The following SCO1 variants were observed in gnomAD, a reference collection of about 807,000 sequenced individuals.
SCO1 encodes the protein cytochrome c oxidase assembly factor SCO1.
Under a neutral mutation model 34.0 loss-of-function variants are expected in SCO1, and 23 were observed. The ratio of observed to expected loss-of-function variants is 0.68; its 90% CI spans 0.49 to 0.96. The LOEUF (loss-of-function observed/expected upper bound fraction) is 0.96. Among genes scored for constraint, SCO1 ranks in the 40% least tolerant of loss-of-function variants. The pLI, the probability that SCO1 is intolerant of heterozygous loss-of-function variation, is 0.00. For synonymous variants in SCO1, 161 were observed against 145.5 expected (o/e 1.11, Z -0.77); for missense variants, 404 against 381.6 (o/e 1.06, Z -0.49).
intron 1 of SCO1, among the ~76,000 whole-genome samples, chr17:10,696,066 G>GTAAA (rs1454349264): frequency 5.4e-5 from 2 of 37,300 alleles, no homozygotes; most frequent in African/African-American, 1.0e-4. Context: ...TTCTCTTCAT[G>GTAAA]TAAATAAAAA....
rs141226699 is a variant in SCO1 at position 10,680,531 on chromosome 17, A to G, written c.*588T>C. On this transcript the variant is annotated 3_prime_UTR_variant, in exon 6 of 6. Transcript: ENST00000255390. ...ATCAAACTGATGTTTTTTTTCCCCCAAACAATAGATTTCCTCTTCATTAGT... is the reference window on the plus strand; with the variant it reads ...ATCAAACTGATGTTTTTTTTCCCCCGAACAATAGATTTCCTCTTCATTAGT... 2.9e-4 allele frequency: 45 copies of G among 156,018 alleles called. 1 individual carries two copies. In the Middle Eastern group the frequency reaches 0.01, roughly 35 times the overall value. The allele number at this position is 156,018 out of a possible 1,614,324, so 9.7% of individuals were successfully genotyped here.
intron 1 of SCO1, among the ~76,000 whole-genome samples, chr17:10,696,639 T>C (rs1051863489): frequency 6.6e-6 from 1 of 152,066 alleles, no homozygotes; most frequent in African/African-American, 2.4e-5. Flanking sequence ...TTTGTACCCT[T>C]ATTCAACTCC....
rs1286923971 is a variant in SCO1, at chr17:10,679,784, C to T, written c.*1335G>A. On this transcript the variant is annotated 3_prime_UTR_variant, in exon 6 of 6. Transcript: ENST00000255390. ...ATTCATTTTAATTTCTGTATCTCTA[C>T]ATAGATATATCTAGAGGGTCTCACT... 1 of 152,186 alleles carries T rather than the reference C, an allele frequency of 6.6e-6. No individual in the cohort carries two copies. Among genetic ancestry groups the T allele is most frequent in the Non-Finnish European group, 1.5e-5 (1 of 68,030 alleles). 9.4% of individuals were successfully genotyped at this position (152,186 alleles called of 1,614,324 possible).
chr17:10,682,452 A>G (rs575110362), intron 5 of SCO1, among the ~76,000 whole-genome samples: 1 of 152,236 alleles, frequency 6.6e-6, no homozygotes. Flanking sequence ...CACATATTTG[A>G]TACAGAAATC....
rs760139130 is a variant in SCO1 at position 10,681,158 on chromosome 17, T to C, written c.867A>G (p.Ser289=). 1.4e-5 allele frequency: 23 copies of C among 1,614,102 alleles called. No individual in the cohort carries two copies. In the South Asian group the frequency reaches 2.2e-4, roughly 15 times the overall value. ...TGTATGGCCTCATGTGTGTGGCAAT[T>C]GAAGCAGCTATTTCTCCCTTCCTCT... ...QNKRKGEIAA[S]IATHMRPYRK... is the part of the protein sequence containing the mutation. The change falls in exon 6 of 6, where the codon TCA becomes TCG. Residue 289 remains serine, a synonymous_variant. Coordinates refer to ENST00000255390, the MANE Select transcript of SCO1 (RefSeq NM_004589.4).
chr17:10,697,238 G>C lies in SCO1; in HGVS notation c.270C>G (p.Pro90=). ...AGGGTTCCAGGTGTGCACTCACCCC[G>C]GGCTTCGAGGGGCGCGTGGAGTCTC... ...GPGDSTRPSK[P]GPVSWKSLAI... is the part of the protein sequence containing the mutation. The change falls in exon 1 of 6, where the codon CCC becomes CCG. Residue 90 remains proline, a synonymous_variant. Transcript: ENST00000255390. 1 of 1,553,484 alleles carries C rather than the reference G, an allele frequency of 6.4e-7. No homozygotes were observed. The highest frequency in any genetic ancestry group is 8.7e-7 in the Non-Finnish European group (1 of 1,149,250).
At position 10,686,814 on chromosome 17, in the gene SCO1, A is replaced by C; in HGVS notation, c.684T>G (p.Thr228=). The C allele has an allele frequency of 6.2e-7, 1 of 1,613,908 alleles. No individual in the cohort carries two copies. Among genetic ancestry groups the C allele is most frequent in the Non-Finnish European group, 8.5e-7 (1 of 1,179,814 alleles). ...KEFSPKLVGL[T]GTREEVDQVA... ...CTTGATCGACCTCTTCTCTCGTGCC[A>C]GTCAAGCCAACCAGTTTGGGAGAAA... The change falls in exon 5 of 6, where the codon ACT becomes ACG. Residue 228 remains threonine, a synonymous_variant. Transcript: ENST00000255390.
At position 10,678,765 on chromosome 17, in the gene SCO1, T is replaced by C. The variant is rs542860644; in HGVS notation, c.*2354A>G. ...GGAACAGGCTATTGTATTAGCTTGCTAGGACTGCCTTACCAGGTTTGGTGG... is the reference window on the plus strand; with the variant it reads ...GGAACAGGCTATTGTATTAGCTTGCCAGGACTGCCTTACCAGGTTTGGTGG... On this transcript the variant is annotated 3_prime_UTR_variant, in exon 6 of 6. Transcript: ENST00000255390. The C allele has an allele frequency of 6.6e-6, 1 of 152,330 alleles. No individual in the cohort carries two copies. The highest frequency in any genetic ancestry group is 1.5e-5 in the Non-Finnish European group (1 of 68,034). 9.4% of individuals were successfully genotyped at this position (152,330 alleles called of 1,614,324 possible). A position where few individuals can be genotyped will look rare whatever the true frequency, so the allele number is the denominator to read the frequency against.
At chr17:10,695,051 C>T (rs1330352742) in intron 2 of SCO1, among the ~76,000 whole-genome samples, 1 of 152,204 alleles carries the variant, frequency 6.6e-6, no homozygotes, top group East Asian at 1.9e-4. Context: ...CACTAAAATG[C>T]AAAGTTCTTA....
At position 10,678,864 on chromosome 17, in the gene SCO1, G is replaced by GT. The variant is rs569715834; in HGVS notation, c.*2254dup. 0.021 allele frequency: 2,700 copies of GT among 131,116 alleles called. 34 individuals are homozygous for GT. The highest frequency in any genetic ancestry group is 0.028 in the Non-Finnish European group (1,731 of 62,560). 8.1% of individuals were successfully genotyped at this position (131,116 alleles called of 1,614,324 possible). On this transcript the variant is annotated 3_prime_UTR_variant, in exon 6 of 6. Transcript: ENST00000255390. ...AAAAATCAAGGAGTCAGCAGGGTTT[G>GT]TTTTTTTTTTTTTTTCTCACAACTT... is the stretch of plus-strand genomic sequence containing the variant.
chr17:10,691,206 G>C (rs949494484), intron 4 of SCO1, among the ~76,000 whole-genome samples: 2 of 152,132 alleles, frequency 1.3e-5, no homozygotes, highest in African/African-American at 2.4e-5. Flanking sequence ...TGCTACCTCC[G>C]CCTGCCAGGT....
chr17:10,683,201 CTA>C (rs1202183070), intron 5 of SCO1, among the ~76,000 whole-genome samples: 1 of 152,044 alleles, frequency 6.6e-6, no homozygotes, highest in African/African-American at 2.4e-5. Context: ...TCTGCATCTA[CTA>C]TGTGTATATA....
chr17:10,682,724 C>G (rs529056473), intron 5 of SCO1, among the ~76,000 whole-genome samples: 1 of 152,310 alleles, frequency 6.6e-6, no homozygotes, highest in Admixed American at 6.5e-5. Context: ...TATTCTAATA[C>G]AGAGGTCTAC....
rs751519483 is a variant in SCO1, at chr17:10,697,429, G to A, written c.79C>T (p.Leu27Phe). ...GQLWRFLPRG[L>F]EFWGPAEGTA... ...CCCTCGGCTGGGCCCCAAAACTCGA[G>A]TCCGCGAGGCAAGAAGCGCCAAAGT... Residue 27 changes from leucine (L) to phenylalanine (F), a missense_variant, in exon 1 of 6, where the codon CTC becomes TTC. Transcript: ENST00000255390. 1 of 1,611,834 alleles carries A rather than the reference G, an allele frequency of 6.2e-7. No individual in the cohort carries two copies. Among genetic ancestry groups the A allele is most frequent in the East Asian group, 2.2e-5 (1 of 44,862 alleles).
At position 10,686,854 on chromosome 17, in the gene SCO1, A is replaced by T; in HGVS notation, c.656-12T>A. 8.4e-6 allele frequency: 13 copies of T among 1,555,672 alleles called. No homozygotes were observed. The highest frequency in any genetic ancestry group is 1.4e-5 in the African/African-American group (1 of 73,940). Reference sequence around the variant, plus strand: ...TTTGGGAGAAAATTCTAAATAAAAAATGAGAGAGACAGTGAAAAATGAGAA... The same window carrying T: ...TTTGGGAGAAAATTCTAAATAAAAATTGAGAGAGACAGTGAAAAATGAGAA... On this transcript the variant is annotated splice_polypyrimidine_tract_variant and intron_variant, in intron 4 of 5. Transcript: ENST00000255390.
chr17:10,693,032 A>G, intron 2 of SCO1, 71 bp from the exon 3 acceptor site: 1 of 1,306,632 alleles, frequency 7.7e-7, no homozygotes, highest in Non-Finnish European at 1.1e-6. Flanking sequence ...AATACCTGAC[A>G]TATGGCCCGT....
At position 10,697,284 on chromosome 17, in the gene SCO1, G is replaced by A. The variant is rs370147170; in HGVS notation, c.224C>T (p.Pro75Leu). 1.5e-5 allele frequency: 24 copies of A among 1,565,416 alleles called. No homozygotes were observed. In the South Asian group the frequency reaches 2.7e-4, roughly 17 times the overall value. The change falls in exon 1 of 6, where the codon CCG becomes CTG. Residue 75 changes from proline to leucine, a missense_variant. Transcript: ENST00000255390. ...RPLSTARPPP[P>L]WSQKGPGDST... ...GTCTCCGGGGCCCTTCTGCGACCAC[G>A]GGGGTGGCGGCCTCGCAGTGCTGAG...
chr17:10,688,135 T>C (rs72818747), intron 4 of SCO1, among the ~76,000 whole-genome samples: 1,951 of 152,346 alleles, frequency 0.013, 15 homozygotes, highest in Middle Eastern at 0.034. Flanking sequence ...AAAAGCACTA[T>C]ATTAAAAGGA....
chr17:10,696,782 G>A (rs1597511415), intron 1 of SCO1, among the ~76,000 whole-genome samples: 1 of 150,534 alleles, frequency 6.6e-6, no homozygotes, highest in Admixed American at 6.6e-5. Context: ...GAACTCGAGA[G>A]AACCCCAAGA....
Sources: gnomAD v4.1 joint callset for allele counts (sites outside exome capture counted in the v4.1 genomes callset) on GRCh38, gnomAD v4.1.1 for gene constraint, MANE v1.5 for transcripts, NCBI Gene and HGNC (gene_info 2026-07-23, HGNC 2026-07-21) for gene names.